The following FBN2 variants were observed in gnomAD, a reference collection of about 807,000 sequenced individuals.
The protein encoded by FBN2 is fibrillin 2, also known as fibrillin-2.
In FBN2, 105 loss-of-function variants were observed where a neutral mutation model predicts 355.6. The ratio of observed to expected loss-of-function variants is 0.30; its 90% CI spans 0.25 to 0.35. The LOEUF (loss-of-function observed/expected upper bound fraction) is 0.35, where lower values mean the gene tolerates loss of function less well. Ranked by LOEUF, FBN2 falls within the 10% of genes least tolerant of loss-of-function variation. The probability of loss-of-function intolerance (pLI) is 1.00; values close to 1 mark genes in which losing one functional copy is unlikely to be tolerated. For synonymous variants in FBN2, 1,350 were observed against 1,301.2 expected (o/e 1.04, Z -0.81); for missense variants, 3,280 against 3,758.7 (o/e 0.87, Z 3.33).
intron 43 of FBN2, 84 bp from the exon 44 acceptor site, chr5:128,305,720 T>A: frequency 6.2e-7 from 1 of 1,600,136 alleles, no homozygotes; most frequent in East Asian, 2.2e-5. Context: ...GATGATCAAC[T>A]CTTGAAAAAT....
intron 8 of FBN2, among the ~76,000 whole-genome samples, chr5:128,407,419 A>G (rs1752954745): frequency 6.6e-6 from 1 of 152,200 alleles, no homozygotes; most frequent in African/African-American, 2.4e-5. Flanking sequence ...TTTATTGGAC[A>G]CTTATTAGAA....
intron 48 of FBN2, among the ~76,000 whole-genome samples, chr5:128,296,710 T>A (rs1395471273): frequency 6.6e-6 from 1 of 152,234 alleles, no homozygotes; most frequent in East Asian, 1.9e-4. Context: ...TTATTGCATC[T>A]ATTTGATTCT....
chr5:128,301,599 C>G, intron 46 of FBN2, 89 bp from the exon 47 acceptor site: 7 of 1,279,632 alleles, frequency 5.5e-6, no homozygotes, highest in Admixed American at 1.7e-5. Context: ...TACTTATTGG[C>G]ATGCATTTAT....
At chr5:128,283,134 C>A (rs1340395927) in intron 55 of FBN2, among the ~76,000 whole-genome samples, 1 of 152,180 alleles carries the variant, frequency 6.6e-6, no homozygotes, top group East Asian at 1.9e-4. Context: ...GCTCTTGCAC[C>A]GGTACTCTAG....
chr5:128,493,356 G>A (rs1755561119), intron 5 of FBN2, among the ~76,000 whole-genome samples: 1 of 152,106 alleles, frequency 6.6e-6, no homozygotes, highest in African/African-American at 2.4e-5. Flanking sequence ...TTAGGGATGG[G>A]GAGGCTGAAG....
chr5:128,528,151 T>A (rs2112798427), intron 3 of FBN2, among the ~76,000 whole-genome samples, 184 bp from the exon 4 acceptor site: 1 of 152,276 alleles, frequency 6.6e-6, no homozygotes, highest in South Asian at 2.1e-4. Context: ...CATGGGCATA[T>A]CTGTGATAAC....
intron 16 of FBN2, among the ~76,000 whole-genome samples, chr5:128,368,525 T>C (rs1751844558): frequency 6.7e-6 from 1 of 149,080 alleles, no homozygotes; most frequent in South Asian, 2.1e-4. Flanking sequence ...AATTGAGTTC[T>C]TGTTGTGTTT....
chr5:128,534,774 C>T (rs1756802675), intron 2 of FBN2, among the ~76,000 whole-genome samples: 2 of 152,188 alleles, frequency 1.3e-5, no homozygotes, highest in South Asian at 4.1e-4. Flanking sequence ...CTCTGGAATT[C>T]CCATTCCACA....
intron 48 of FBN2, among the ~76,000 whole-genome samples, chr5:128,292,622 A>T (rs529399594): frequency 2.1e-3 from 320 of 152,248 alleles, no homozygotes; most frequent in Non-Finnish European, 3.6e-3. Flanking sequence ...CAACAACAAA[A>T]AAAACAAACA....
chr5:128,449,352 C>CTG (rs1754160338), intron 6 of FBN2, among the ~76,000 whole-genome samples: 12 of 97,988 alleles, frequency 1.2e-4, no homozygotes, highest in African/African-American at 2.4e-4. Flanking sequence ...ACATAGTATA[C>CTG]TATATAGTAT....
At chr5:128,453,424 C>T (rs933471342) in intron 6 of FBN2, among the ~76,000 whole-genome samples, 1 of 152,218 alleles carries the variant, frequency 6.6e-6, no homozygotes, top group Non-Finnish European at 1.5e-5. Context: ...AGCACCTGGA[C>T]TACTGCAGAA....
chr5:128,278,063 G>A, intron 57 of FBN2, 58 bp from the exon 58 acceptor site: 4 of 1,577,416 alleles, frequency 2.5e-6, no homozygotes, highest in Non-Finnish European at 3.5e-6. Context: ...GGGTAAAACT[G>A]GTTAGAATCA....
intron 25 of FBN2, among the ~76,000 whole-genome samples, chr5:128,340,806 TCTCTCTCTCTCC>T (rs1459616923): frequency 6.6e-6 from 1 of 151,208 alleles, no homozygotes; most frequent in African/African-American, 2.4e-5. Context: ...GCTCTCTCTT[TCTCTCTCTCTCC>T]CTCTCTCTCT....
chr5:128,305,031 A>G lies in FBN2; in HGVS notation c.5726T>C (p.Val1909Ala), dbSNP rs772996612. 6.2e-7 allele frequency: 1 copy of G among 1,613,574 alleles called. No individual in the cohort carries two copies. Among genetic ancestry groups the G allele is most frequent in the Non-Finnish European group, 8.5e-7 (1 of 1,179,766 alleles). Reference protein sequence around the residue: ...IPNVCSHGLCVDLQGSYQCIC... With the variant: ...IPNVCSHGLCADLQGSYQCIC... ...GCACTGGTAACTTCCTTGCAGATCA[A>G]CACACAAGCCATGACTGCAAACGTT... The change falls in exon 45 of 65, where the codon GTT becomes GCT. Residue 1909 changes from valine (V) to alanine (A), a missense_variant. Val to Ala is a moderately conservative substitution (Grantham distance 64, BLOSUM62 0). Coordinates refer to ENST00000262464, the MANE Select transcript of FBN2 (RefSeq NM_001999.4).
intron 55 of FBN2, among the ~76,000 whole-genome samples, chr5:128,284,413 C>T (rs1749078794): frequency 6.6e-6 from 1 of 152,270 alleles, no homozygotes; most frequent in South Asian, 2.1e-4. Context: ...TAGCATAAAA[C>T]CAAATTCTTT....
intron 58 of FBN2, 89 bp from the exon 59 acceptor site, chr5:128,276,249 TG>T: frequency 7.2e-7 from 1 of 1,391,602 alleles, no homozygotes; most frequent in Non-Finnish European, 1.0e-6. Flanking sequence ...TCATTCTTTT[TG>T]TTTTTCCTGT....
chr5:128,310,384 ATATATATATATATATATATTTTTTT>A (rs1361599325), intron 39 of FBN2, among the ~76,000 whole-genome samples: 10 of 13,412 alleles, frequency 7.5e-4, no homozygotes, highest in African/African-American at 3.3e-3. Flanking sequence ...ATATATATAT[ATATATATATATATATATATTTTTTT>A]TTTTTTTTTT....
At chr5:128,475,569 GA>G (rs1754986499) in intron 5 of FBN2, among the ~76,000 whole-genome samples, 1 of 151,894 alleles carries the variant, frequency 6.6e-6, no homozygotes, top group Non-Finnish European at 1.5e-5. Context: ...GATGTAATTG[GA>G]AAAAATATCC....
chr5:128,446,301 A>G, intron 7 of FBN2, 180 bp downstream of exon 7: 1 of 589,392 alleles, frequency 1.7e-6, no homozygotes, highest in Admixed American at 2.7e-5. Context: ...ACTCTTTTCA[A>G]ATCAAACCCA....
Sources: allele counts gnomAD v4.1 joint callset (sites outside exome capture counted in the v4.1 genomes callset), GRCh38; gene constraint gnomAD v4.1.1; transcripts MANE v1.5; gene names NCBI Gene and HGNC (gene_info 2026-07-23, HGNC 2026-07-21).